The following MADD variants were observed in gnomAD, a reference collection of about 807,000 sequenced individuals.
The protein encoded by MADD is MAP kinase activating death domain.
Under a neutral mutation model 176.7 loss-of-function variants are expected in MADD, and 109 were observed. The observed-to-expected ratio is 0.62, with a 90% confidence interval of 0.53 to 0.72. The LOEUF (loss-of-function observed/expected upper bound fraction) is 0.72, where lower values mean the gene tolerates loss of function less well. MADD is among the 30% of genes least tolerant of loss of function. The probability of loss-of-function intolerance (pLI) is 0.00; values close to 1 mark genes in which losing one functional copy is unlikely to be tolerated. For synonymous variants in MADD, 771 were observed against 771.3 expected (o/e 1.00, Z 0.01); for missense variants, 1,914 against 2,045.5 (o/e 0.94, Z 1.24).
intron 31 of MADD, chr11:47,327,062 C>T (rs1324536973): frequency 3.3e-6 from 4 of 1,226,908 alleles, no homozygotes; most frequent in South Asian, 4.8e-5. Context: ...TGAAGCAGCT[C>T]AGTGAAGTAG....
intron 19 of MADD, 125 bp downstream of exon 21, chr11:47,292,721 G>A (rs371735024): frequency 1.2e-6 from 1 of 847,924 alleles, no homozygotes; most frequent in East Asian, 2.4e-5. Flanking sequence ...GTTTGGAATG[G>A]CAGCAGGTAG....
At chr11:47,281,810 A>G (rs567739361) in intron 8 of MADD, 57 bp downstream of exon 8, 3 of 1,280,924 alleles carry the variant, frequency 2.3e-6, no homozygotes, top group African/African-American at 1.6e-5. Context: ...TTTGCTCTCT[A>G]AGGGACCTTG....
At chr11:47,284,564 C>T (rs1013008661) in exon 12 of MADD, 9 of 1,613,432 alleles carry the variant, frequency 5.6e-6, no homozygotes, top group African/African-American at 1.3e-5. Context: ...GGAGCCAACT[C>T]TGTAAGTGAG....
At chr11:47,328,794 C>T (rs2095753067) in intron 32 of MADD, 90 bp downstream of exon 36, 2 of 1,545,696 alleles carry the variant, frequency 1.3e-6, no homozygotes, top group African/African-American at 2.7e-5. Flanking sequence ...CCTCTGAGCG[C>T]ACAGGGGTGA....
intron 30 of MADD, 132 bp from the exon 34 acceptor site, chr11:47,326,412 T>A: frequency 2.1e-6 from 1 of 480,174 alleles, no homozygotes; most frequent in Non-Finnish European, 3.0e-6. Flanking sequence ...CCTGGGGCAC[T>A]GTGTCTTACA....
At chr11:47,279,072 T>C in exon 7 of MADD, 1 of 1,613,890 alleles carries the variant, frequency 6.2e-7, no homozygotes. Context: ...AAAAAGCATT[T>C]AAAGCAGGTA....
rs551744961 is a variant in MADD, at chr11:47,305,041, G to A, written c.3643-3550G>A. 2.8e-4 allele frequency among the ~76,000 whole-genome samples: 42 copies of A among 152,316 alleles called. No individual in the cohort carries two copies. The South Asian group carries it at 3.9e-3, about 14-fold the overall frequency. On this transcript the variant is annotated intron_variant, in intron 22 of 32. Coordinates refer to ENST00000402192, the Ensembl canonical transcript of MADD. ...TGAGCAATAACTATGGGTGCCTCAA[G>A]AGTCCTAGGCTATAGAAGTGTGGCA... is the stretch of plus-strand genomic sequence containing the variant.
chr11:47,324,773 G>A (rs763659037), intron 30 of MADD, 196 bp downstream of exon 33: 178 of 698,228 alleles, frequency 2.5e-4, no homozygotes, highest in Admixed American at 4.7e-4. Context: ...CGCTGTGAAG[G>A]TGCACCAGGG....
At chr11:47,301,699 A>C (rs561586353) in intron 22 of MADD, among the ~76,000 whole-genome samples, 3 of 152,330 alleles carry the variant, frequency 2.0e-5, no homozygotes, top group African/African-American at 4.8e-5. Context: ...TTGGTCACTC[A>C]GGAGCATATT....
At chr11:47,296,045 G>A (rs369771548) in exon 22 of MADD, 23 of 1,613,294 alleles carry the variant, frequency 1.4e-5, no homozygotes, top group Non-Finnish European at 1.9e-5. Flanking sequence ...TCTGCCACAA[G>A]CACCATCTTT....
At chr11:47,275,071 G>A (rs1256544957) in exon 3 of MADD, 73 of 1,614,156 alleles carry the variant, frequency 4.5e-5, no homozygotes, top group Non-Finnish European at 5.9e-5. Flanking sequence ...CACCTTCCGA[G>A]AGTGTTTGTA....
chr11:47,315,959 G>A (rs1475746607), intron 27 of MADD, among the ~76,000 whole-genome samples: 1 of 151,244 alleles, frequency 6.6e-6, no homozygotes, highest in Non-Finnish European at 1.5e-5. Context: ...AGCTTCCTGA[G>A]TAGCTAGGAT....
chr11:47,282,850 G>A (rs762316903), exon 10 of MADD: 1 of 1,614,182 alleles, frequency 6.2e-7, no homozygotes, highest in East Asian at 2.2e-5. Flanking sequence ...ACAAGCCAAA[G>A]TGGTATGCTC....
At chr11:47,296,761 G>GT (rs1386329077) in intron 22 of MADD, among the ~76,000 whole-genome samples, 15 of 116,134 alleles carry the variant, frequency 1.3e-4, no homozygotes, top group African/African-American at 3.4e-4. Flanking sequence ...TCTGTTTTTT[G>GT]TTGTTTTTTT....
In MADD at chr11:47,282,816, T is replaced by C. The variant is rs772120601; in HGVS notation, c.1709T>C (p.Met570Thr). 6 of 1,613,376 alleles carry C rather than the reference T, an allele frequency of 3.7e-6. No homozygotes were observed. In the South Asian group the frequency reaches 4.4e-5, roughly 12 times the overall value. Residue 570 changes from methionine (M) to threonine (T), a missense_variant, in exon 10 of 33, where the codon ATG (methionine) becomes ACG (threonine). Met to Thr is a moderately conservative substitution (Grantham distance 81). Around this residue, in one of 2 missense-constraint regions of MADD, gnomAD observed 1,767 missense variants for 1,836.0 expected, o/e 0.96. Transcript: ENST00000402192. ...GTTCTTTTCCCTCATGGGGTAGATA[T>C]GTTTGATCCAGCCCTGATTGGTGAC...
At chr11:47,278,102 G>C in intron 5 of MADD, 63 bp from the exon 6 acceptor site, 1 of 1,086,862 alleles carries the variant, frequency 9.2e-7, no homozygotes, top group Non-Finnish European at 1.4e-6. Context: ...GAAGAATCCA[G>C]ACTTGATAAG....
In MADD at chr11:47,325,670, A is replaced by AC. The variant is rs1026018625; in HGVS notation, c.4543-1066dup. On this transcript the variant is annotated intron_variant, in intron 30 of 32. Coordinates refer to ENST00000402192, the Ensembl canonical transcript of MADD. This position sits in a 1 kb window ranked among gnomAD's most constrained non-coding sequence, Gnocchi z 4.5. ...TTAGGACCATCCCAGAGAGGGGTCT[A>AC]CCTAAGTGCTTTTCTGGACCACAAA... Among the ~76,000 whole-genome samples, 11 of 152,240 alleles carry AC rather than the reference A, an allele frequency of 7.2e-5. No individual in the cohort carries two copies. The highest frequency in any genetic ancestry group is 2.7e-4 in the African/African-American group (11 of 41,466).
exon 21 of MADD, chr11:47,295,576 C>T (rs150985573): frequency 3.3e-5 from 54 of 1,613,766 alleles, no homozygotes; most frequent in Middle Eastern, 3.3e-4. Flanking sequence ...AAGTTAGCAC[C>T]GTGGTAGGGG....
exon 4 of MADD, chr11:47,276,169 C>G (rs761246754): frequency 1.2e-6 from 2 of 1,613,556 alleles, no homozygotes; most frequent in Admixed American, 3.3e-5. Flanking sequence ...ACGCCTGTCT[C>G]CAGGTGCTAA....
Sources: gnomAD v4.1 joint callset for allele counts (sites outside exome capture counted in the v4.1 genomes callset) on GRCh38, gnomAD v4.1.1 for gene constraint, gnomAD v4.1.1 regional missense constraint, Gnocchi (gnomAD v3.1) non-coding constraint, MANE v1.5 for transcripts, NCBI Gene and HGNC (gene_info 2026-07-23, HGNC 2026-07-21) for gene names.